The following CCDC175 variants were observed in gnomAD, a reference collection of about 807,000 sequenced individuals.
CCDC175 encodes coiled-coil domain-containing protein 175.
In CCDC175, 100 loss-of-function variants were observed where a neutral mutation model predicts 114.6. The observed-to-expected ratio is 0.87, with a 90% confidence interval of 0.74 to 1.03. The LOEUF is 1.03. Among genes scored for constraint, CCDC175 ranks in the 50% least tolerant of loss-of-function variants. The probability of loss-of-function intolerance (pLI) is 0.00; values close to 1 mark genes in which losing one functional copy is unlikely to be tolerated. For missense variants in CCDC175, 880 were observed against 917.8 expected (o/e 0.96, Z 0.53); for synonymous variants, 306 against 308.7 (o/e 0.99, Z 0.09).
chr14:59,523,785 C>G (rs10146853), intron 16 of CCDC175, among the ~76,000 whole-genome samples: 22 of 152,178 alleles, frequency 1.4e-4, no homozygotes, highest in African/African-American at 5.1e-4. Context: ...GTCAGGAGAT[C>G]GAGACCATCC....
Position 59,538,763 on chromosome 14 carries a change from T to G in CCDC175, c.1433A>C (p.Gln478Pro). ...ATTCTGAATTTTTTCTGTAATAGCT[T>G]GTATTTCAGCTTTTATCTTGGCTGT... ...RWTAKIKAEI[Q>P]AITEKIQNAE... Residue 478 changes from glutamine to proline, a missense_variant, in exon 12 of 20, where the codon CAA becomes CCA. Coordinates refer to ENST00000537690, the MANE Select transcript of CCDC175 (RefSeq NM_001164399.2). 6.5e-7 allele frequency: 1 copy of G among 1,536,282 alleles called. No homozygotes were observed. Among genetic ancestry groups the G allele is most frequent in the East Asian group, 2.4e-5 (1 of 40,886 alleles).
intron 7 of CCDC175, among the ~76,000 whole-genome samples, chr14:59,551,906 C>T (rs959194617): frequency 6.6e-6 from 1 of 152,214 alleles, no homozygotes; most frequent in African/African-American, 2.4e-5. Flanking sequence ...TGCAAGGCAG[C>T]AGCGAGGCTG....
At chr14:59,537,939 C>G in intron 13 of CCDC175, 84 bp downstream of exon 13, 1 of 885,470 alleles carries the variant, frequency 1.1e-6, no homozygotes, top group South Asian at 2.3e-5. Context: ...TTACATTTAA[C>G]TGATTAGAAT....
intron 8 of CCDC175, among the ~76,000 whole-genome samples, chr14:59,548,233 C>T (rs1324701639): frequency 6.6e-6 from 1 of 151,764 alleles, no homozygotes. Context: ...CAATTATACG[C>T]AAAATCTAAA....
At position 59,518,442 on chromosome 14, in the gene CCDC175, C is replaced by G. The variant is rs564352722; in HGVS notation, c.2098+3132G>C. 2.2e-4 allele frequency among the ~76,000 whole-genome samples: 34 copies of G among 152,150 alleles called. 1 individual carries two copies. In the East Asian group the frequency reaches 5.6e-3, roughly 25 times the overall value. Reference sequence around the variant, plus strand: ...ACTCATCTGACAAAGGGCTAATATCCAGAATCTACAATGAACTCAGACAAA... The same window carrying G: ...ACTCATCTGACAAAGGGCTAATATCGAGAATCTACAATGAACTCAGACAAA... On this transcript the variant is annotated intron_variant, in intron 17 of 19. Coordinates refer to ENST00000537690, the MANE Select transcript of CCDC175 (RefSeq NM_001164399.2).
chr14:59,536,432 G>A (rs1014290420), intron 13 of CCDC175, among the ~76,000 whole-genome samples: 3 of 151,748 alleles, frequency 2.0e-5, no homozygotes, highest in Non-Finnish European at 4.4e-5. Flanking sequence ...TATACTACTT[G>A]TTCATCTCAT....
chr14:59,525,179 T>C (rs1313865152), intron 16 of CCDC175, 103 bp downstream of exon 16: 8 of 918,330 alleles, frequency 8.7e-6, no homozygotes, highest in African/African-American at 1.7e-5. Flanking sequence ...TATGCTCCAT[T>C]AAACATTTTT....
chr14:59,513,978 C>A (rs1055897222), intron 17 of CCDC175, among the ~76,000 whole-genome samples: 3 of 152,310 alleles, frequency 2.0e-5, no homozygotes, highest in Admixed American at 6.5e-5. Context: ...CTTCCAGAGG[C>A]ATGATCAGGC....
At chr14:59,559,137 T>A (rs1896088604) in intron 7 of CCDC175, among the ~76,000 whole-genome samples, 3 of 152,182 alleles carry the variant, frequency 2.0e-5, no homozygotes, top group African/African-American at 7.2e-5. Context: ...ATAGTCTCCA[T>A]AACCTCATAC....
intron 7 of CCDC175, among the ~76,000 whole-genome samples, chr14:59,552,105 C>T (rs1351463767): frequency 6.6e-6 from 1 of 152,196 alleles, no homozygotes; most frequent in Non-Finnish European, 1.5e-5. Context: ...ATGTCTGACA[C>T]CTTTGAAGAG....
At chr14:59,519,336 T>G (rs1472910867) in intron 17 of CCDC175, among the ~76,000 whole-genome samples, 1 of 151,962 alleles carries the variant, frequency 6.6e-6, no homozygotes, top group Admixed American at 6.6e-5. Context: ...AAAGTTCACT[T>G]GAAATGAATT....
intron 8 of CCDC175, among the ~76,000 whole-genome samples, chr14:59,549,254 T>C (rs1007975981): frequency 6.6e-5 from 10 of 152,344 alleles, no homozygotes; most frequent in African/African-American, 2.4e-4. Context: ...GGCTCACGCC[T>C]GTAATCCCCA....
At chr14:59,553,885 T>A (rs1228717385) in intron 7 of CCDC175, among the ~76,000 whole-genome samples, 1 of 152,064 alleles carries the variant, frequency 6.6e-6, no homozygotes, top group African/African-American at 2.4e-5. Flanking sequence ...TACATAATGG[T>A]AAAGGGATCA....
intron 8 of CCDC175, among the ~76,000 whole-genome samples, chr14:59,546,169 C>A (rs1895095531): frequency 6.6e-6 from 1 of 152,166 alleles, no homozygotes; most frequent in African/African-American, 2.4e-5. Flanking sequence ...TTTCTAGCAA[C>A]ATGGGTGCAC....
intron 19 of CCDC175, among the ~76,000 whole-genome samples, chr14:59,507,959 T>A (rs922717292): frequency 6.6e-6 from 1 of 152,070 alleles, no homozygotes; most frequent in African/African-American, 2.4e-5. Context: ...GTGAGCAAAC[T>A]CACACTGCCT....
chr14:59,527,904 T>G (rs1296124413), intron 14 of CCDC175, among the ~76,000 whole-genome samples: 1 of 152,090 alleles, frequency 6.6e-6, no homozygotes, highest in Non-Finnish European at 1.5e-5. Flanking sequence ...GCATTTTTCT[T>G]TTTCTTTTTT....
chr14:59,533,913 C>T (rs990915705), intron 13 of CCDC175, among the ~76,000 whole-genome samples: 3 of 150,292 alleles, frequency 2.0e-5, no homozygotes, highest in African/African-American at 4.9e-5. Flanking sequence ...CGCTTGAACC[C>T]GGGAGGCGGA....
chr14:59,538,660 T>C, intron 12 of CCDC175, 45 bp downstream of exon 12: 2 of 1,412,636 alleles, frequency 1.4e-6, no homozygotes, highest in Non-Finnish European at 1.9e-6. Context: ...GAATTGCTGA[T>C]ATGCAATGTA....
intron 14 of CCDC175, among the ~76,000 whole-genome samples, chr14:59,529,235 C>A (rs1256177022): frequency 6.6e-6 from 1 of 152,152 alleles, no homozygotes; most frequent in Non-Finnish European, 1.5e-5. Flanking sequence ...TTCACAACAC[C>A]ACTGGCTGGC....
Sources: allele counts gnomAD v4.1 joint callset (sites outside exome capture counted in the v4.1 genomes callset), GRCh38; gene constraint gnomAD v4.1.1; transcripts MANE v1.5; gene names NCBI Gene and HGNC (gene_info 2026-07-23, HGNC 2026-07-21).